Variants in PCTP observed in about 807,000 individuals in gnomAD.
PCTP encodes START domain-containing protein 2.
Under a neutral mutation model 31.0 loss-of-function variants are expected in PCTP, and 27 were observed. The observed-to-expected ratio is 0.87, with a 90% confidence interval of 0.64 to 1.20. The LOEUF (loss-of-function observed/expected upper bound fraction) is 1.20. PCTP is among the 50% of genes most tolerant of loss of function. The pLI is 0.00. For missense variants in PCTP, 287 were observed against 268.2 expected (o/e 1.07, Z -0.49); for synonymous variants, 108 against 101.2 (o/e 1.07, Z -0.40).
intron 5 of PCTP, among the ~76,000 whole-genome samples, chr17:55,834,009 CA>C (rs925909226): frequency 1.3e-5 from 2 of 151,934 alleles, no homozygotes; most frequent in African/African-American, 4.8e-5. Context: ...GACTGACTTA[CA>C]AAAATGTAGG....
intron 1 of PCTP, among the ~76,000 whole-genome samples, chr17:55,759,233 G>A (rs551059552): frequency 2.6e-5 from 4 of 152,254 alleles, no homozygotes; most frequent in South Asian, 2.1e-4. Context: ...TCCATACCTC[G>A]TATCATTATT....
At chr17:55,817,157 G>A (rs190991266) in intron 3 of PCTP, among the ~76,000 whole-genome samples, 13 of 152,174 alleles carry the variant, frequency 8.5e-5, no homozygotes, top group African/African-American at 2.7e-4. Flanking sequence ...CAGCATTCTC[G>A]CTTAAATGAA....
At chr17:55,761,243 G>T (rs186207666) in intron 1 of PCTP, among the ~76,000 whole-genome samples, 1 of 152,212 alleles carries the variant, frequency 6.6e-6, no homozygotes, top group East Asian at 1.9e-4. Flanking sequence ...AATATAAAAC[G>T]TTGGAAAGTG....
At chr17:55,847,127 C>T (rs936325344), downstream of PCTP, among the ~76,000 whole-genome samples, 7 of 152,286 alleles carry the variant, frequency 4.6e-5, no homozygotes, top group Middle Eastern at 6.8e-3. Context: ...CTTAGTTCTG[C>T]CCTCTAGAAC....
chr17:55,766,767 G>A (rs1431762006), intron 1 of PCTP, among the ~76,000 whole-genome samples: 1 of 152,030 alleles, frequency 6.6e-6, no homozygotes, highest in Non-Finnish European at 1.5e-5. Context: ...AGTCCTTTGG[G>A]TATATACCCA....
intron 3 of PCTP, among the ~76,000 whole-genome samples, chr17:55,811,530 G>A (rs1233163813): frequency 1.3e-5 from 2 of 152,100 alleles, no homozygotes; most frequent in Admixed American, 6.6e-5. Flanking sequence ...CACTTTGCTC[G>A]GCTGCCAAAA....
chr17:55,809,104 T>C (rs1912668236), intron 3 of PCTP, among the ~76,000 whole-genome samples: 1 of 152,242 alleles, frequency 6.6e-6, no homozygotes, highest in Non-Finnish European at 1.5e-5. Context: ...AGTAATGCTC[T>C]TTATTAGCTT....
At chr17:55,767,542 G>A (rs35052837) in intron 2 of PCTP, 90 bp downstream of exon 2, 73,917 of 805,104 alleles carry the variant, frequency 0.092, 3,840 homozygotes, top group Middle Eastern at 0.11. Flanking sequence ...TCAGCTCACC[G>A]CAATCTCCGC....
intron 3 of PCTP, among the ~76,000 whole-genome samples, chr17:55,813,266 C>T (rs761122950): frequency 1.3e-5 from 2 of 151,942 alleles, no homozygotes; most frequent in Admixed American, 6.6e-5. Flanking sequence ...AAAAGAAGTA[C>T]GTTATTTATT....
intron 3 of PCTP, among the ~76,000 whole-genome samples, chr17:55,787,853 A>G (rs985379706): frequency 2.0e-5 from 3 of 151,946 alleles, no homozygotes; most frequent in Admixed American, 2.0e-4. Flanking sequence ...ATGTACAATA[A>G]TTTTCTGACC....
At chr17:55,792,719 A>G (rs1275215081) in intron 3 of PCTP, among the ~76,000 whole-genome samples, 1 of 152,108 alleles carries the variant, frequency 6.6e-6, no homozygotes, top group East Asian at 1.9e-4. Flanking sequence ...AAGCCTATGT[A>G]AGTAAGCAGT....
chr17:55,805,101 T>G (rs1912532925), intron 3 of PCTP, among the ~76,000 whole-genome samples: 1 of 152,178 alleles, frequency 6.6e-6, no homozygotes, highest in African/African-American at 2.4e-5. Flanking sequence ...GGGAACTTCT[T>G]GTTTTGTTTT....
chr17:55,780,392 A>T (rs1026019665), downstream of PCTP, among the ~76,000 whole-genome samples: 4 of 152,188 alleles, frequency 2.6e-5, no homozygotes, highest in African/African-American at 9.7e-5. Context: ...TAAAGGTGGG[A>T]TGCAGTGACT....
chr17:55,754,768 A>G (rs1371051394), intron 1 of PCTP, among the ~76,000 whole-genome samples: 2 of 152,166 alleles, frequency 1.3e-5, no homozygotes, highest in Non-Finnish European at 2.9e-5. Flanking sequence ...CCTAAAGTGC[A>G]CCAACGTACA....
intron 1 of PCTP, among the ~76,000 whole-genome samples, chr17:55,763,774 A>G (rs1188984399): frequency 6.6e-6 from 1 of 152,214 alleles, no homozygotes; most frequent in Non-Finnish European, 1.5e-5. Flanking sequence ...ATTATAAAAA[A>G]CTATTTTTTA....
chr17:55,839,934 A>C (rs1282060126), intron 5 of PCTP, among the ~76,000 whole-genome samples: 4 of 149,890 alleles, frequency 2.7e-5, no homozygotes, highest in East Asian at 3.9e-4. Flanking sequence ...AAAAAAAAAA[A>C]AAAAAAAAAA....
At position 55,773,826 on chromosome 17, in the gene PCTP, G is replaced by A. The variant is rs776307830; in HGVS notation, c.442G>A (p.Gly148Arg). 6.2e-7 allele frequency: 1 copy of A among 1,613,442 alleles called. No homozygotes were observed. Among genetic ancestry groups the A allele is most frequent in the South Asian group, 1.1e-5 (1 of 90,984 alleles). Residue 148 changes from glycine (G) to arginine (R), a missense_variant, in exon 4 of 6, where the codon GGG (glycine) becomes AGG (arginine). Coordinates refer to ENST00000268896, the MANE Select transcript of PCTP (RefSeq NM_021213.4). ...TSMPQLGERS[G>R]VIRVKQYKQS... ...CATGCCTCAGCTTGGCGAGAGGTCTGGGGTGATCCGGGTGAAGCAATACAA... is the reference window on the plus strand; with the variant it reads ...CATGCCTCAGCTTGGCGAGAGGTCTAGGGTGATCCGGGTGAAGCAATACAA...
chr17:55,762,175 G>A (rs1304628470), intron 1 of PCTP, among the ~76,000 whole-genome samples: 1 of 152,194 alleles, frequency 6.6e-6, no homozygotes, highest in Non-Finnish European at 1.5e-5. Context: ...GTTTTCAGGA[G>A]GGACTGTATG....
intron 5 of PCTP, among the ~76,000 whole-genome samples, chr17:55,839,633 A>G (rs1905893834): frequency 6.6e-6 from 1 of 152,184 alleles, no homozygotes; most frequent in Admixed American, 6.5e-5. Flanking sequence ...GTGATAAACA[A>G]CAACTGGCCG....
Sources: allele counts gnomAD v4.1 joint callset (sites outside exome capture counted in the v4.1 genomes callset), GRCh38; gene constraint gnomAD v4.1.1; transcripts MANE v1.5; gene names NCBI Gene and HGNC (gene_info 2026-07-23, HGNC 2026-07-21).